Variants in RNF111 observed in about 807,000 individuals in gnomAD.
The protein encoded by RNF111 is E3 ubiquitin-protein ligase Arkadia.
A neutral mutation model predicts 95.1 loss-of-function variants in RNF111; 17 were observed. The observed-to-expected ratio is 0.18, with a 90% confidence interval of 0.12 to 0.27. The LOEUF is 0.27. RNF111 is among the 10% of genes least tolerant of loss of function. The pLI, the probability that RNF111 is intolerant of heterozygous loss-of-function variation, is 1.00. For synonymous variants in RNF111, 440 were observed against 414.8 expected, an observed-to-expected ratio of 1.06 and a Z score of -0.74; for missense variants, 1,189 against 1,210.4, an observed-to-expected ratio of 0.98 and a Z score of 0.26.
chr15:59,004,455 A>C (rs1347968114), intron 1 of RNF111, among the ~76,000 whole-genome samples: 1 of 152,228 alleles, frequency 6.6e-6, no homozygotes, highest in Admixed American at 6.5e-5. Context: ...AAAGGGTAGC[A>C]CCTTACTATC....
rs1235595300 is a variant in RNF111 at position 59,084,121 on chromosome 15, G to T, written c.2298-8G>T. The T allele has an allele frequency of 1.3e-6, 2 of 1,576,998 alleles. No individual in the cohort carries two copies. Among genetic ancestry groups the T allele is most frequent in the Admixed American group, 1.8e-5 (1 of 54,460 alleles). On this transcript the variant is annotated splice_region_variant and splice_polypyrimidine_tract_variant and intron_variant, in intron 8 of 13. Transcript: ENST00000348370. ...TTCCAGTGGTCTTTTTGTGTTCTGTGTTTCCAGGCGGGCACATGAACGCCC... is the reference window on the plus strand; with the variant it reads ...TTCCAGTGGTCTTTTTGTGTTCTGTTTTTCCAGGCGGGCACATGAACGCCC...
At chr15:59,049,745 CTTTTTTTTTTT>C (rs368049097) in intron 2 of RNF111, 1 of 104,622 alleles carries the variant, frequency 9.6e-6, no homozygotes, top group Non-Finnish European at 1.9e-5. Flanking sequence ...TTCTTTCTTT[CTTTTTTTTTTT>C]TTTTTTTTTG....
chr15:59,047,975 A>C (rs1374576288), intron 2 of RNF111, among the ~76,000 whole-genome samples: 1 of 152,346 alleles, frequency 6.6e-6, no homozygotes, highest in South Asian at 2.1e-4. Context: ...ACTGGTGAGG[A>C]TGTGGAGAAC....
intron 6 of RNF111, among the ~76,000 whole-genome samples, chr15:59,074,538 T>G (rs1178426281): frequency 1.3e-5 from 2 of 152,232 alleles, no homozygotes; most frequent in Non-Finnish European, 2.9e-5. Context: ...CTTCAGACTT[T>G]TCTTCTGCAG....
chr15:59,069,514 T>C (rs1596265545), intron 6 of RNF111, among the ~76,000 whole-genome samples: 1 of 152,200 alleles, frequency 6.6e-6, no homozygotes, highest in East Asian at 1.9e-4. Context: ...CTTGAGTCAG[T>C]TGTAGGTAGG....
chr15:59,059,697 AC>A (rs2042353142), intron 5 of RNF111, among the ~76,000 whole-genome samples: 2 of 152,166 alleles, frequency 1.3e-5, no homozygotes, highest in Non-Finnish European at 2.9e-5. Context: ...GCTAGTTCTT[AC>A]GTTTCAATTA....
chr15:59,058,740 A>G, intron 5 of RNF111, 190 bp downstream of exon 5: 2 of 576,942 alleles, frequency 3.5e-6, no homozygotes, highest in Non-Finnish European at 6.1e-6. Context: ...TGTGTGCTAT[A>G]TGTAACCAGA....
intron 6 of RNF111, among the ~76,000 whole-genome samples, chr15:59,072,914 A>G (rs1240353744): frequency 2.0e-5 from 3 of 150,446 alleles, no homozygotes; most frequent in East Asian, 3.9e-4. Context: ...CCAGCTGGGC[A>G]TGCTGGCTCA....
rs1158415288 is a variant in RNF111, at chr15:59,081,179, T to C, written c.2192T>C (p.Ile731Thr). 1.9e-6 allele frequency: 3 copies of C among 1,614,118 alleles called. No individual in the cohort carries two copies. The East Asian group carries it at 6.7e-5, about 36-fold the overall frequency. ...PQHLPPTHQP[I>T]SHHIPATAPP... ...CATCTTCCTCCTACACACCAGCCAA[T>C]TTCGCACCATATTCCAGCCACAGCA... The change falls in exon 8 of 14, where the codon ATT becomes ACT. Residue 731 changes from isoleucine (I) to threonine (T), a missense_variant. Ile to Thr is a moderately conservative substitution (Grantham distance 89). Transcript: ENST00000348370.
intron 3 of RNF111, among the ~76,000 whole-genome samples, chr15:59,055,043 C>T (rs561881606): frequency 4.5e-4 from 69 of 152,290 alleles, no homozygotes; most frequent in Middle Eastern, 3.4e-3. Flanking sequence ...TAATGCCACA[C>T]ACATACTTAA....
At chr15:59,052,963 G>C (rs372405083) in intron 3 of RNF111, among the ~76,000 whole-genome samples, 1 of 151,952 alleles carries the variant, frequency 6.6e-6, no homozygotes, top group East Asian at 1.9e-4. Context: ...ATTTAGATGT[G>C]AATAATACAT....
chr15:59,025,771 C>T (rs1406187089), intron 1 of RNF111, among the ~76,000 whole-genome samples: 1 of 150,862 alleles, frequency 6.6e-6, no homozygotes, highest in Non-Finnish European at 1.5e-5. Flanking sequence ...GCTCTTGTCT[C>T]CCAGGCTGGA....
intron 1 of RNF111, among the ~76,000 whole-genome samples, chr15:59,003,081 CT>C: frequency 1.3e-5 from 2 of 152,302 alleles, no homozygotes; most frequent in Non-Finnish European, 2.9e-5. Context: ...CAGCCTTGAA[CT>C]CCTGGCCTCA....
chr15:59,042,391 G>A (rs2041509023), intron 2 of RNF111, among the ~76,000 whole-genome samples: 1 of 152,156 alleles, frequency 6.6e-6, no homozygotes. Flanking sequence ...CTCACAAGGT[G>A]CTGGGATTAT....
chr15:59,035,409 G>A (rs888315144), intron 2 of RNF111, among the ~76,000 whole-genome samples: 1 of 152,114 alleles, frequency 6.6e-6, no homozygotes, highest in Non-Finnish European at 1.5e-5. Flanking sequence ...GACAAGGCAA[G>A]TCCCTTCTGC....
At chr15:59,059,153 A>C (rs1390975246) in intron 5 of RNF111, among the ~76,000 whole-genome samples, 2 of 152,106 alleles carry the variant, frequency 1.3e-5, no homozygotes, top group African/African-American at 4.8e-5. Context: ...GAAACAAACA[A>C]AAAGCCCCAA....
chr15:59,024,642 A>C (rs2040510405), intron 1 of RNF111, among the ~76,000 whole-genome samples: 1 of 152,206 alleles, frequency 6.6e-6, no homozygotes, highest in Admixed American at 6.5e-5. Flanking sequence ...TTTCCAGGAT[A>C]ATGTTTTATA....
At chr15:59,007,267 A>G (rs1567205801) in intron 1 of RNF111, among the ~76,000 whole-genome samples, 4 of 143,512 alleles carry the variant, frequency 2.8e-5, no homozygotes, top group East Asian at 2.0e-4. Flanking sequence ...CCAATGTTCA[A>G]TTTTTTTTTT....
At chr15:59,088,809 A>G (rs1596312333) in intron 10 of RNF111, among the ~76,000 whole-genome samples, 1 of 152,208 alleles carries the variant, frequency 6.6e-6, no homozygotes, top group South Asian at 2.1e-4. Flanking sequence ...CATTGAACTC[A>G]TAGCCAACAA....
Sources: gnomAD v4.1 joint callset for allele counts (sites outside exome capture counted in the v4.1 genomes callset) on GRCh38, gnomAD v4.1.1 for gene constraint, MANE v1.5 for transcripts, NCBI Gene and HGNC (gene_info 2026-07-23, HGNC 2026-07-21) for gene names.